The following NMNAT1 variants were observed in gnomAD, a reference collection of about 807,000 sequenced individuals.
NMNAT1 encodes nicotinamide/nicotinic acid mononucleotide adenylyltransferase 1.
NMNAT1 carries 11 observed loss-of-function variants against 16.7 expected under a neutral mutation model. The observed-to-expected ratio is 0.66, with a 90% CI of 0.41 to 1.09. NMNAT1 has a LOEUF of 1.09. Ranked by LOEUF, NMNAT1 falls within the 50% of genes least tolerant of loss-of-function variation. The probability of loss-of-function intolerance (pLI) is 0.00; values close to 1 mark genes in which losing one functional copy is unlikely to be tolerated. For missense variants in NMNAT1, 280 were observed against 332.3 expected, an observed-to-expected ratio of 0.84 and a Z score of 1.22; for synonymous variants, 110 against 119.8, an observed-to-expected ratio of 0.92 and a Z score of 0.53.
intron 3 of NMNAT1, among the ~76,000 whole-genome samples, chr1:9,980,331 C>T (rs1301629521): frequency 1.3e-5 from 2 of 151,562 alleles, no homozygotes; most frequent in African/African-American, 4.8e-5. Context: ...TAATGTGTGG[C>T]ATATGATAAA....
chr1:9,964,553 AAAAAT>A (rs1641497981), intron 1 of NMNAT1, among the ~76,000 whole-genome samples: 1 of 151,938 alleles, frequency 6.6e-6, no homozygotes, highest in Non-Finnish European at 1.5e-5. Flanking sequence ...CTCAAAAAGA[AAAAAT>A]AAAAGTATTC....
chr1:9,955,333 G>A (rs1557459155), intron 1 of NMNAT1, among the ~76,000 whole-genome samples: 1 of 151,860 alleles, frequency 6.6e-6, no homozygotes, highest in African/African-American at 2.4e-5. Context: ...GAACCCGGGA[G>A]GCGGAGGTTG....
chr1:9,987,022 C>T (rs964674647), downstream of NMNAT1, among the ~76,000 whole-genome samples: 1 of 151,092 alleles, frequency 6.6e-6, no homozygotes. Flanking sequence ...CATGGTGAAA[C>T]CCTGTCTCTA....
intron 1 of NMNAT1, among the ~76,000 whole-genome samples, chr1:9,958,489 G>T (rs1437780829): frequency 6.6e-6 from 1 of 150,990 alleles, no homozygotes; most frequent in Non-Finnish European, 1.5e-5. Flanking sequence ...ACCCAGGCTG[G>T]AGTGCAGTGG....
downstream of NMNAT1, among the ~76,000 whole-genome samples, chr1:9,986,114 A>G (rs1642042326): frequency 6.6e-6 from 1 of 152,206 alleles, no homozygotes; most frequent in Non-Finnish European, 1.5e-5. Flanking sequence ...TACCAAGTCT[A>G]AATGACTTGC....
At chr1:9,973,392 T>C (rs1454332879) in intron 2 of NMNAT1, among the ~76,000 whole-genome samples, 2 of 151,996 alleles carry the variant, frequency 1.3e-5, no homozygotes, top group African/African-American at 2.4e-5. Context: ...TGAGCTACCA[T>C]ACCCAGCTAA....
downstream of NMNAT1, among the ~76,000 whole-genome samples, chr1:9,987,437 A>G (rs1042970228): frequency 2.0e-5 from 3 of 151,920 alleles, no homozygotes; most frequent in Admixed American, 1.3e-4. Context: ...TCAGGAGATC[A>G]AGACCATCCT....
intron 4 of NMNAT1, chr1:9,981,867 CTT>C (rs879454500): frequency 1.5e-4 from 22 of 146,504 alleles, no homozygotes; most frequent in Non-Finnish European, 2.2e-4. Context: ...AACTGTCATT[CTT>C]TTTTTTTTTT....
At chr1:9,990,945 A>G in the NMNAT1 span, among the ~76,000 whole-genome samples, 1 of 152,178 alleles carries the variant, frequency 6.6e-6, no homozygotes, top group Non-Finnish European at 1.5e-5. Context: ...AAGAAAAAAA[A>G]AATTACTCCT....
chr1:9,996,108 G>A, the NMNAT1 span, among the ~76,000 whole-genome samples: 1 of 151,930 alleles, frequency 6.6e-6, no homozygotes, highest in African/African-American at 2.4e-5. Flanking sequence ...TCATGAGATC[G>A]AGACCATCCT....
At chr1:9,975,895 T>C in intron 3 of NMNAT1, 120 bp downstream of exon 3, 2 of 776,608 alleles carry the variant, frequency 2.6e-6, no homozygotes, top group South Asian at 3.5e-5. Context: ...CTGTCACGTG[T>C]GTTGTAAGCC....
downstream of NMNAT1, among the ~76,000 whole-genome samples, chr1:9,987,439 G>A (rs543629904): frequency 6.6e-6 from 1 of 151,986 alleles, no homozygotes; most frequent in Admixed American, 6.6e-5. Context: ...AGGAGATCAA[G>A]ACCATCCTGG....
chr1:9,961,968 A>G (rs886578035), intron 1 of NMNAT1, among the ~76,000 whole-genome samples: 1 of 151,710 alleles, frequency 6.6e-6, no homozygotes, highest in African/African-American at 2.4e-5. Flanking sequence ...GGGTTTCTCC[A>G]TGTTGGTCAG....
downstream of NMNAT1, among the ~76,000 whole-genome samples, chr1:9,988,418 T>TAA: frequency 6.6e-6 from 1 of 152,040 alleles, no homozygotes; most frequent in Admixed American, 6.6e-5. Context: ...AAGGGTACCT[T>TAA]GGCTGGGTGT....
At chr1:9,955,251 A>G (rs1641227280) in intron 1 of NMNAT1, among the ~76,000 whole-genome samples, 1 of 151,774 alleles carries the variant, frequency 6.6e-6, no homozygotes, top group Non-Finnish European at 1.5e-5. Flanking sequence ...TAAAATACAA[A>G]AAATTAGCTG....
chr1:9,961,794 G>A (rs1043441545), intron 1 of NMNAT1, among the ~76,000 whole-genome samples: 1 of 151,834 alleles, frequency 6.6e-6, no homozygotes, highest in African/African-American at 2.4e-5. Context: ...TTTTTGAGAC[G>A]GAGTTTTGCT....
chr1:9,967,482 G>A (rs2890358), intron 1 of NMNAT1: 98,610 of 152,166 alleles, frequency 0.65, 36,640 homozygotes, highest in Non-Finnish European at 0.84. Flanking sequence ...AAAGCAAAGC[G>A]AGAAATAAAT....
chr1:9,967,320 G>A (rs888102891), intron 1 of NMNAT1: 2 of 153,896 alleles, frequency 1.3e-5, no homozygotes, highest in South Asian at 2.0e-4. Context: ...CAACATCGTC[G>A]AACTTACTTG....
rs1385585669 is a variant in NMNAT1 at position 9,982,864 on chromosome 1, T to G, written c.*163T>G. 1.1e-5 allele frequency: 7 copies of G among 665,714 alleles called. No homozygotes were observed. The highest frequency in any genetic ancestry group is 3.3e-5 in the Admixed American group (1 of 30,442). 41.2% of individuals were successfully genotyped at this position (665,714 alleles called of 1,614,324 possible). A position where few individuals can be genotyped will look rare whatever the true frequency, so the allele number is the denominator to read the frequency against. On this transcript the variant is annotated 3_prime_UTR_variant, in exon 5 of 5. Coordinates refer to ENST00000377205, the MANE Select transcript of NMNAT1 (RefSeq NM_022787.4). ...GGCTCACGCCTGTAATCCCAGCACT[T>G]TGGGAGGCTGAGGCAGGTGGATCAC...
Sources: gnomAD v4.1 joint callset for allele counts (sites outside exome capture counted in the v4.1 genomes callset) on GRCh38, gnomAD v4.1.1 for gene constraint, MANE v1.5 for transcripts, NCBI Gene and HGNC (gene_info 2026-07-23, HGNC 2026-07-21) for gene names.